Variants in TNR observed in about 807,000 individuals in gnomAD.
TNR encodes tenascin-R.
Under a neutral mutation model 150.4 loss-of-function variants are expected in TNR, and 45 were observed. That is an observed-to-expected ratio of 0.30 (90% CI 0.24 to 0.38). TNR has a LOEUF of 0.38. Among genes scored for constraint, TNR ranks in the 10% least tolerant of loss-of-function variants. The pLI is 1.00. For synonymous variants in TNR, 687 were observed against 678.4 expected, an observed-to-expected ratio of 1.01 and a Z score of -0.20; for missense variants, 1,544 against 1,759.1, an observed-to-expected ratio of 0.88 and a Z score of 2.19.
chr1:175,583,327 G>A (rs1005777179), intron 1 of TNR, among the ~76,000 whole-genome samples: 17 of 152,210 alleles, frequency 1.1e-4, no homozygotes, highest in Admixed American at 9.2e-4. Flanking sequence ...CACAGTGCCT[G>A]TGAGAGCTGA....
intron 1 of TNR, among the ~76,000 whole-genome samples, chr1:175,535,757 G>A (rs957353292): frequency 1.3e-5 from 2 of 152,112 alleles, no homozygotes; most frequent in African/African-American, 4.8e-5. Flanking sequence ...TTTTAGAAAG[G>A]ATGGAGTTTA....
chr1:175,572,996 GA>G (rs2102221282), intron 1 of TNR, among the ~76,000 whole-genome samples: 1 of 152,202 alleles, frequency 6.6e-6, no homozygotes, highest in Non-Finnish European at 1.5e-5. Flanking sequence ...CTTAAGTTGA[GA>G]AGATTGACTG....
intron 17 of TNR, among the ~76,000 whole-genome samples, chr1:175,355,142 G>A (rs1481284552): frequency 6.6e-6 from 1 of 152,156 alleles, no homozygotes; most frequent in East Asian, 1.9e-4. Context: ...CATGTACTTG[G>A]GAGTTTCCAA....
chr1:175,712,284 G>A (rs1667038754), intron 1 of TNR, among the ~76,000 whole-genome samples: 1 of 152,134 alleles, frequency 6.6e-6, no homozygotes, highest in Admixed American at 6.5e-5. Flanking sequence ...TGCTCATGCA[G>A]TGAAGAGCCA....
At chr1:175,509,264 A>G (rs1334905302) in intron 2 of TNR, among the ~76,000 whole-genome samples, 1 of 152,238 alleles carries the variant, frequency 6.6e-6, no homozygotes, top group African/African-American at 2.4e-5. Context: ...CCTAACACCT[A>G]CAAGCTTTTT....
intron 1 of TNR, among the ~76,000 whole-genome samples, chr1:175,563,115 A>G (rs1311917904): frequency 6.6e-6 from 1 of 152,216 alleles, no homozygotes; most frequent in Non-Finnish European, 1.5e-5. Context: ...AGTCCATGAC[A>G]TTGGCACGGG....
chr1:175,624,171 T>A (rs1356216163), intron 1 of TNR, among the ~76,000 whole-genome samples: 1 of 152,206 alleles, frequency 6.6e-6, no homozygotes, highest in African/African-American at 2.4e-5. Flanking sequence ...CTAGCTTACA[T>A]GGTGGTACCT....
chr1:175,714,223 G>A lies in TNR; in HGVS notation c.-165+29003C>T, dbSNP rs4652113. 9.7e-3 allele frequency among the ~76,000 whole-genome samples: 1,475 copies of A among 151,800 alleles called. 28 individuals are homozygous for A. Among genetic ancestry groups the A allele is most frequent in the African/African-American group, 0.031 (1,282 of 41,360 alleles). ...CCTCAGATCTCCTTCTACCCATCAC[G>A]CCCCTCTTCCACACCCATGCTTTCT... is the stretch of plus-strand genomic sequence containing the variant. On this transcript the variant is annotated intron_variant, in intron 1 of 22. Coordinates refer to ENST00000367674, the MANE Select transcript of TNR (RefSeq NM_003285.3).
chr1:175,376,860 T>TTA (rs371694471), intron 9 of TNR, among the ~76,000 whole-genome samples: 6,937 of 113,650 alleles, frequency 0.061, 433 homozygotes, highest in African/African-American at 0.18. Flanking sequence ...AAATGTAATA[T>TTA]TATATATATA....
chr1:175,331,701 T>A (rs1649943194), intron 20 of TNR, among the ~76,000 whole-genome samples: 1 of 152,364 alleles, frequency 6.6e-6, no homozygotes, highest in Non-Finnish European at 1.5e-5. Context: ...CTAATTTTTA[T>A]CTGCTTACTG....
chr1:175,577,813 C>T (rs1662183443), intron 1 of TNR, among the ~76,000 whole-genome samples: 1 of 152,164 alleles, frequency 6.6e-6, no homozygotes, highest in Non-Finnish European at 1.5e-5. Flanking sequence ...GCCCCAAATG[C>T]TATATTCCCG....
intron 1 of TNR, among the ~76,000 whole-genome samples, chr1:175,635,533 G>A (rs1664467585): frequency 6.6e-6 from 1 of 152,306 alleles, no homozygotes; most frequent in Non-Finnish European, 1.5e-5. Context: ...TAGCAAGGAG[G>A]TAATTATCTT....
intron 1 of TNR, among the ~76,000 whole-genome samples, chr1:175,578,246 C>T (rs1325786998): frequency 1.3e-5 from 2 of 151,794 alleles, no homozygotes; most frequent in African/African-American, 4.8e-5. Context: ...TGGATGCATT[C>T]AGGGGAGATC....
chr1:175,648,764 C>T (rs1316105736), intron 1 of TNR, among the ~76,000 whole-genome samples: 5 of 152,156 alleles, frequency 3.3e-5, no homozygotes. Context: ...CTCTGCCTAG[C>T]CCTGTCCTCA....
chr1:175,674,987 G>C (rs1665816167), intron 1 of TNR, among the ~76,000 whole-genome samples: 1 of 152,186 alleles, frequency 6.6e-6, no homozygotes, highest in Non-Finnish European at 1.5e-5. Flanking sequence ...CCAGGAGAAG[G>C]GGGAGCAGGA....
rs369617506 is a variant in TNR, at chr1:175,386,021, C to T, written c.1777+11G>A. Reference sequence around the variant, plus strand: ...CCCTCCTTGTGCGTCTCTCCCCCACCGCAGCCTTACCTGTTGTGAACTGAG... The same window carrying T: ...CCCTCCTTGTGCGTCTCTCCCCCACTGCAGCCTTACCTGTTGTGAACTGAG... On this transcript the variant is annotated intron_variant, in intron 8 of 22. Coordinates refer to ENST00000367674, the MANE Select transcript of TNR (RefSeq NM_003285.3). 56 of 1,555,876 alleles carry T rather than the reference C, an allele frequency of 3.6e-5. No individual in the cohort carries two copies. Among genetic ancestry groups the T allele is most frequent in the Non-Finnish European group, 4.7e-5 (54 of 1,146,480 alleles).
intron 21 of TNR, among the ~76,000 whole-genome samples, chr1:175,326,772 A>T (rs1052749585): frequency 3.9e-5 from 6 of 152,070 alleles, no homozygotes; most frequent in African/African-American, 1.4e-4. Flanking sequence ...GGTTCAAGCG[A>T]TTCTCCTGCC....
At chr1:175,738,374 T>C (rs1250129429) in intron 1 of TNR, among the ~76,000 whole-genome samples, 1 of 152,204 alleles carries the variant, frequency 6.6e-6, no homozygotes, top group African/African-American at 2.4e-5. Flanking sequence ...TGCTATAGCA[T>C]GGTTGAACCT....
At chr1:175,724,659 T>C (rs1340335310) in intron 1 of TNR, among the ~76,000 whole-genome samples, 3 of 152,214 alleles carry the variant, frequency 2.0e-5, no homozygotes, top group Admixed American at 1.3e-4. Flanking sequence ...TTAATGTTTA[T>C]GTTTTATGTA....
Sources: gnomAD v4.1 joint callset for allele counts (sites outside exome capture counted in the v4.1 genomes callset) on GRCh38, gnomAD v4.1.1 for gene constraint, MANE v1.5 for transcripts, NCBI Gene and HGNC (gene_info 2026-07-23, HGNC 2026-07-21) for gene names.